PTPN12: variants seen among roughly 807,000 people sequenced by gnomAD.
The protein encoded by PTPN12 is tyrosine-protein phosphatase non-receptor type 12.
Under a neutral mutation model 97.6 loss-of-function variants are expected in PTPN12, and 29 were observed. The observed-to-expected ratio is 0.30, with a 90% confidence interval of 0.22 to 0.41. The LOEUF is 0.41. PTPN12 is among the 10% of genes least tolerant of loss of function. PTPN12 has a pLI of 1.00. For synonymous variants in PTPN12, 327 were observed against 300.4 expected (o/e 1.09, Z -0.91); for missense variants, 819 against 926.0 (o/e 0.88, Z 1.50).
At chr7:77,571,249 T>A in intron 2 of PTPN12, 63 bp downstream of exon 2, 1 of 963,778 alleles carries the variant, frequency 1.0e-6, no homozygotes, top group Non-Finnish European at 1.6e-6. Flanking sequence ...GTAACCTAAC[T>A]AGTTTTATTC....
intron 1 of PTPN12, among the ~76,000 whole-genome samples, chr7:77,542,409 T>A (rs1807022226): frequency 1.3e-5 from 2 of 152,190 alleles, no homozygotes; most frequent in South Asian, 4.1e-4. Flanking sequence ...GGAGCACTAC[T>A]GAGTCTTTTA....
intron 1 of PTPN12, chr7:77,564,035 G>C (rs373716635): frequency 3.4e-6 from 1 of 298,428 alleles, no homozygotes; most frequent in South Asian, 2.5e-5. Context: ...ACACCACGAG[G>C]CTTGGCTAAT....
intron 6 of PTPN12, 83 bp downstream of exon 6, chr7:77,592,339 AC>A: frequency 8.3e-7 from 1 of 1,201,276 alleles, no homozygotes; most frequent in Non-Finnish European, 1.2e-6. Flanking sequence ...TGTGGTATGA[AC>A]CCAGGCTTAT....
intron 2 of PTPN12, among the ~76,000 whole-genome samples, chr7:77,576,952 C>G (rs774120989): frequency 6.6e-6 from 1 of 152,168 alleles, no homozygotes; most frequent in Admixed American, 6.5e-5. Flanking sequence ...GGGAGCAATC[C>G]TGGAAGGCCT....
chr7:77,625,476 T>TG, intron 12 of PTPN12, among the ~76,000 whole-genome samples: 1 of 27,600 alleles, frequency 3.6e-5, no homozygotes, highest in Non-Finnish European at 6.2e-5. Context: ...CTGCTCGCTC[T>TG]CTCTCTCTCT....
At chr7:77,603,906 T>TG (rs1788267419) in intron 8 of PTPN12, among the ~76,000 whole-genome samples, 2 of 144,796 alleles carry the variant, frequency 1.4e-5, no homozygotes, top group Non-Finnish European at 3.0e-5. Context: ...TTTTTTTTTT[T>TG]GAGACAGAGT....
At chr7:77,620,815 G>C (rs1359308081) in intron 12 of PTPN12, among the ~76,000 whole-genome samples, 2 of 152,174 alleles carry the variant, frequency 1.3e-5, no homozygotes, top group African/African-American at 4.8e-5. Flanking sequence ...AGGCGTGGTG[G>C]CACGCGCCTG....
At chr7:77,552,482 T>A (rs1183319346) in intron 1 of PTPN12, among the ~76,000 whole-genome samples, 1 of 152,196 alleles carries the variant, frequency 6.6e-6, no homozygotes, top group Non-Finnish European at 1.5e-5. Flanking sequence ...ATTTCTCTAG[T>A]TGTTAAAGAA....
At chr7:77,618,950 GTTTA>G (rs983823769) in intron 12 of PTPN12, among the ~76,000 whole-genome samples, 2 of 152,138 alleles carry the variant, frequency 1.3e-5, no homozygotes, top group African/African-American at 4.8e-5. Flanking sequence ...GCAAAGATGA[GTTTA>G]TTTCTTTAAT....
At chr7:77,555,792 G>T (rs1435065486) in intron 1 of PTPN12, among the ~76,000 whole-genome samples, 4 of 151,934 alleles carry the variant, frequency 2.6e-5, no homozygotes, top group Admixed American at 2.0e-4. Context: ...GTGGGCGCCT[G>T]TAGTCCCAGC....
chr7:77,565,284 T>G (rs1039648664), intron 1 of PTPN12, among the ~76,000 whole-genome samples: 1 of 152,262 alleles, frequency 6.6e-6, no homozygotes, highest in African/African-American at 2.4e-5. Flanking sequence ...GCCAACAAAT[T>G]AATTTAACGC....
At chr7:77,614,064 A>G (rs191897036) in intron 11 of PTPN12, among the ~76,000 whole-genome samples, 5 of 78,930 alleles carry the variant, frequency 6.3e-5, no homozygotes, top group Admixed American at 1.4e-4. Flanking sequence ...CTAATTAAAA[A>G]AAAATTTTTT....
intron 1 of PTPN12, among the ~76,000 whole-genome samples, chr7:77,538,425 A>G (rs901121504): frequency 1.4e-5 from 2 of 138,650 alleles, no homozygotes; most frequent in African/African-American, 5.6e-5. Context: ...GGATGTGACT[A>G]TCACTTCCTA....
intron 2 of PTPN12, among the ~76,000 whole-genome samples, chr7:77,573,316 A>G (rs1787224439): frequency 6.6e-6 from 1 of 152,200 alleles, no homozygotes; most frequent in Non-Finnish European, 1.5e-5. Context: ...CAAATTCTAG[A>G]GACTGGGAAG....
chr7:77,633,209 G>T (rs1212385040), intron 14 of PTPN12, among the ~76,000 whole-genome samples: 1 of 151,776 alleles, frequency 6.6e-6, no homozygotes, highest in Non-Finnish European at 1.5e-5. Context: ...GGTGGATATT[G>T]CAGTGAGCCG....
intron 1 of PTPN12, among the ~76,000 whole-genome samples, chr7:77,553,535 T>A (rs1186652975): frequency 6.6e-6 from 1 of 152,232 alleles, no homozygotes; most frequent in Non-Finnish European, 1.5e-5. Context: ...TTTATCATGA[T>A]GTAAAGCCAC....
At chr7:77,595,366 CTG>C (rs979416330) in intron 6 of PTPN12, among the ~76,000 whole-genome samples, 2 of 152,162 alleles carry the variant, frequency 1.3e-5, no homozygotes, top group African/African-American at 2.4e-5. Context: ...GAGTTTGAGA[CTG>C]AGAAATGACT....
intron 7 of PTPN12, among the ~76,000 whole-genome samples, chr7:77,600,265 T>A (rs1181046891): frequency 6.6e-6 from 1 of 152,226 alleles, no homozygotes; most frequent in East Asian, 1.9e-4. Flanking sequence ...GCTTACGGTA[T>A]ATTGCTCATC....
At chr7:77,599,019 T>A (rs1325255655) in intron 7 of PTPN12, among the ~76,000 whole-genome samples, 1 of 151,206 alleles carries the variant, frequency 6.6e-6, no homozygotes, top group Non-Finnish European at 1.5e-5. Context: ...ATTTGGTAAT[T>A]TTTTAGTTAC....
Sources: allele counts gnomAD v4.1 joint callset (sites outside exome capture counted in the v4.1 genomes callset), GRCh38; gene constraint gnomAD v4.1.1; transcripts MANE v1.5; gene names NCBI Gene and HGNC (gene_info 2026-07-23, HGNC 2026-07-21).